Variants in PCDH11X observed in about 807,000 individuals in gnomAD.
The protein encoded by PCDH11X is protocadherin-11 X-linked.
Under a neutral mutation model 53.3 loss-of-function variants are expected in PCDH11X, and 18 were observed. The ratio of observed to expected loss-of-function variants is 0.34; its 90% CI spans 0.23 to 0.50. PCDH11X has a LOEUF of 0.50. Among genes scored for constraint, PCDH11X ranks in the 20% least tolerant of loss-of-function variants. The pLI, the probability that PCDH11X is intolerant of heterozygous loss-of-function variation, is 0.98. For missense variants in PCDH11X, 570 were observed against 1,032.4 expected, an observed-to-expected ratio of 0.55 and a Z score of 6.14; for synonymous variants, 279 against 393.3, an observed-to-expected ratio of 0.71 and a Z score of 3.44.
At chrX:91,894,434 C>T (rs909343771) in intron 6 of PCDH11X, among the ~76,000 whole-genome samples, 3 of 111,383 alleles carry the variant, frequency 2.7e-5, no homozygotes, top group African/African-American at 9.8e-5. Flanking sequence ...TTCTAGTGAA[C>T]AAATGTTGCT....
intron 6 of PCDH11X, among the ~76,000 whole-genome samples, chrX:91,946,372 CATG>C (rs1169944058): frequency 9.5e-6 from 1 of 105,437 alleles, no homozygotes; most frequent in Non-Finnish European, 2.0e-5. Flanking sequence ...TTCTCAGTAC[CATG>C]ATCTTATTCA....
chrX:91,955,717 C>T (rs2266175), intron 6 of PCDH11X, among the ~76,000 whole-genome samples: 1,704 of 111,863 alleles, frequency 0.015, 43 homozygotes, highest in African/African-American at 0.053. Flanking sequence ...CATGTGGCAA[C>T]GAGAAGAATG....
At chrX:91,992,108 T>C (rs1425293191) in intron 6 of PCDH11X, among the ~76,000 whole-genome samples, 2 of 107,247 alleles carry the variant, frequency 1.9e-5, no homozygotes, top group Non-Finnish European at 3.8e-5. Context: ...TTCTGCTCCT[T>C]ATTTTTTTTT....
intron 7 of PCDH11X, among the ~76,000 whole-genome samples, chrX:92,260,474 T>C (rs1360147527): frequency 9.0e-6 from 1 of 111,376 alleles, no homozygotes; most frequent in Non-Finnish European, 1.9e-5. Flanking sequence ...GGTTGGGGAA[T>C]GGTAGCATCA....
In PCDH11X at chrX:91,877,898, A is replaced by G. The variant is rs766127385; in HGVS notation, c.1658A>G (p.Asn553Ser). 8.3e-7 allele frequency: 1 copy of G among 1,211,764 alleles called. No individual in the cohort carries two copies. Residue 553 changes from asparagine to serine, a missense_variant, in exon 6 of 11, where the codon AAT becomes AGT. Around this residue, in one of 6 missense-constraint regions of PCDH11X, gnomAD observed 226 missense variants for 457.5 expected, o/e 0.49. Coordinates refer to ENST00000682573, the MANE Select transcript of PCDH11X (RefSeq NM_032968.5). Reference sequence around the variant, plus strand: ...AACGGGGTACCACCCTTAACCAGCAATGTCACAGTCTTTGTAAGCATTATT... The same window carrying G: ...AACGGGGTACCACCCTTAACCAGCAGTGTCACAGTCTTTGTAAGCATTATT... ...KDNGVPPLTS[N>S]VTVFVSIIDQ...
intron 8 of PCDH11X, among the ~76,000 whole-genome samples, chrX:92,340,153 A>G (rs989887646): frequency 8.9e-6 from 1 of 111,899 alleles, no homozygotes; most frequent in Non-Finnish European, 1.9e-5. Context: ...CATGTCCCAC[A>G]TCCAAGGCAC....
chrX:92,147,368 A>T (rs113924532), intron 6 of PCDH11X, among the ~76,000 whole-genome samples: 4,026 of 110,128 alleles, frequency 0.037, 195 homozygotes, highest in African/African-American at 0.13. Context: ...CAGATTTTTT[A>T]AAAAAACTTT....
chrX:91,991,782 G>T (rs1411676894), intron 6 of PCDH11X, among the ~76,000 whole-genome samples: 3 of 107,813 alleles, frequency 2.8e-5, no homozygotes, highest in African/African-American at 1.0e-4. Flanking sequence ...TTCAACATTT[G>T]ACACTTTTTA....
intron 10 of PCDH11X, among the ~76,000 whole-genome samples, chrX:92,565,165 T>C (rs2148766821): frequency 9.3e-6 from 1 of 107,790 alleles, no homozygotes; most frequent in South Asian, 4.1e-4. Flanking sequence ...TCTTTCATTG[T>C]TGGTGGGAAT....
intron 9 of PCDH11X, among the ~76,000 whole-genome samples, chrX:92,392,696 C>T (rs2071156877): frequency 9.1e-6 from 1 of 110,438 alleles, no homozygotes; most frequent in African/African-American, 3.3e-5. Context: ...AACTGTGAAA[C>T]TTTAAAAGAA....
At chrX:91,929,095 G>T (rs1196928561) in intron 6 of PCDH11X, among the ~76,000 whole-genome samples, 5 of 110,975 alleles carry the variant, frequency 4.5e-5, no homozygotes, top group Non-Finnish European at 1.9e-5. Flanking sequence ...TATTAAGTTT[G>T]TTTTTTATGA....
chrX:92,380,787 C>A (rs1433827898), intron 8 of PCDH11X, among the ~76,000 whole-genome samples: 1 of 109,506 alleles, frequency 9.1e-6, no homozygotes, highest in Non-Finnish European at 1.9e-5. Flanking sequence ...TATTTTTATA[C>A]CTTTTTAAGA....
At chrX:92,578,619 T>C (rs1193979691) in intron 10 of PCDH11X, among the ~76,000 whole-genome samples, 1 of 110,908 alleles carries the variant, frequency 9.0e-6, no homozygotes, top group Non-Finnish European at 1.9e-5. Flanking sequence ...TCTCTATCCC[T>C]TTATTTTGAG....
intron 7 of PCDH11X, among the ~76,000 whole-genome samples, chrX:92,251,343 T>G (rs1018506094): frequency 9.0e-6 from 1 of 111,361 alleles, no homozygotes; most frequent in Non-Finnish European, 1.9e-5. Context: ...ATTCTTTTAT[T>G]AAGCCTATAA....
chrX:92,368,908 G>C (rs4893318), intron 8 of PCDH11X, among the ~76,000 whole-genome samples: 22,487 of 103,595 alleles, frequency 0.22, 2,930 homozygotes, highest in Non-Finnish European at 0.29. Context: ...ATGCCAGCTG[G>C]AGATCTCCTG....
At chrX:91,799,808 G>C (rs1248585583) in intron 1 of PCDH11X, among the ~76,000 whole-genome samples, 1 of 112,204 alleles carries the variant, frequency 8.9e-6, no homozygotes, top group East Asian at 2.8e-4. Flanking sequence ...TTTGTGGCTG[G>C]TTGCGGTGGC....
At chrX:92,445,075 A>G (rs1374435003) in intron 9 of PCDH11X, among the ~76,000 whole-genome samples, 5 of 102,902 alleles carry the variant, frequency 4.9e-5, no homozygotes, top group African/African-American at 1.7e-4. Flanking sequence ...GGTATTTTAG[A>G]AAGAGCTGCA....
chrX:91,931,755 AT>A (rs2061387611), intron 6 of PCDH11X, among the ~76,000 whole-genome samples: 1 of 110,797 alleles, frequency 9.0e-6, no homozygotes, highest in Admixed American at 9.6e-5. Flanking sequence ...TAGAGAAGTC[AT>A]ATTTTAAGCA....
At chrX:92,229,160 C>T (rs2067024511) in intron 7 of PCDH11X, among the ~76,000 whole-genome samples, 1 of 111,630 alleles carries the variant, frequency 9.0e-6, no homozygotes, top group African/African-American at 3.3e-5. Flanking sequence ...GAGATTTGAA[C>T]TGGACATTTA....
Sources: allele counts gnomAD v4.1 joint callset (sites outside exome capture counted in the v4.1 genomes callset), GRCh38; gene constraint gnomAD v4.1.1; regional missense constraint gnomAD v4.1.1; transcripts MANE v1.5; gene names NCBI Gene and HGNC (gene_info 2026-07-23, HGNC 2026-07-21).